DPP3: variants seen among roughly 807,000 people sequenced by gnomAD.
DPP3 encodes dipeptidyl peptidase 3, also known as DPP III.
Under a neutral mutation model 89.8 loss-of-function variants are expected in DPP3, and 64 were observed. The observed-to-expected ratio is 0.71, with a 90% CI of 0.58 to 0.88. The LOEUF is 0.88. DPP3 is among the 40% of genes least tolerant of loss of function. The probability of loss-of-function intolerance (pLI) is 0.00; values close to 1 mark genes in which losing one functional copy is unlikely to be tolerated. For missense variants in DPP3, 835 were observed against 972.5 expected (o/e 0.86, Z 1.88); for synonymous variants, 377 against 404.3 (o/e 0.93, Z 0.81).
At chr11:66,503,976 G>A (rs1855741333) in intron 16 of DPP3, among the ~76,000 whole-genome samples, 1 of 152,116 alleles carries the variant, frequency 6.6e-6, no homozygotes, top group Non-Finnish European at 1.5e-5. Flanking sequence ...TTCTGGTGAA[G>A]GCTGCTCTTC....
Position 66,509,309 on chromosome 11 carries a change from A to T in DPP3, c.*58A>T. The T allele has an allele frequency of 6.4e-7, 1 of 1,558,476 alleles. No individual in the cohort carries two copies. The highest frequency in any genetic ancestry group is 8.7e-7 in the Non-Finnish European group (1 of 1,150,514). On this transcript the variant is annotated 3_prime_UTR_variant, in exon 18 of 18. Coordinates refer to ENST00000531863, the MANE Select transcript of DPP3 (RefSeq NM_130443.4). ...AGACCAAGGCTGCAAGTGGCCCTCCATTCGTGTGTGTATTTAGGGGCTGGG... is the reference window on the plus strand; with the variant it reads ...AGACCAAGGCTGCAAGTGGCCCTCCTTTCGTGTGTGTATTTAGGGGCTGGG...
Position 66,497,415 on chromosome 11 carries a change from G to A in DPP3, c.1816G>A (p.Asp606Asn), listed in dbSNP as rs532334389. The A allele has an allele frequency of 5.6e-5, 90 of 1,613,952 alleles. No homozygotes were observed. Among genetic ancestry groups the A allele is most frequent in the Admixed American group, 1.2e-4 (7 of 60,030 alleles). ...GCGCCCAGATGCCCGGGTCCGCCTC[G>A]ACCGCAGCAAGATCCGGTCTGTGGG... Reference protein sequence around the residue: ...DGRPDARVRLDRSKIRSVGKP... With the variant: ...DGRPDARVRLNRSKIRSVGKP... The change falls in exon 16 of 18, where the codon GAC becomes AAC. Residue 606 changes from aspartate (D) to asparagine (N), a missense_variant. Asp to Asn is a conservative substitution (Grantham distance 23). Transcript: ENST00000531863.
At chr11:66,494,599 C>A (rs191283037) in intron 12 of DPP3, among the ~76,000 whole-genome samples, 1 of 152,314 alleles carries the variant, frequency 6.6e-6, no homozygotes, top group African/African-American at 2.4e-5. Context: ...ACAGTAAGCC[C>A]TGACAGCAAA....
At chr11:66,493,507 AG>A (rs1855452386) in intron 11 of DPP3, 33 bp from the exon 12 acceptor site, 5 of 1,606,680 alleles carry the variant, frequency 3.1e-6, no homozygotes, top group Non-Finnish European at 4.3e-6. Context: ...AGGGCTGGCC[AG>A]TGGACAGCGC....
In DPP3 at chr11:66,486,570, G is replaced by A. The variant is rs776363283; in HGVS notation, c.391G>A (p.Glu131Lys). The change falls in exon 4 of 18, where the codon GAG becomes AAG. Residue 131 changes from glutamate to lysine, a missense_variant. By Grantham distance (56) the Glu-to-Lys change is moderately conservative. Transcript: ENST00000531863. Reference protein sequence around the residue: ...EKLERVILGSEAAQQHPEEVR... With the variant: ...EKLERVILGSKAAQQHPEEVR... ...GCTGGAACGGGTGATCCTAGGGAGT[G>A]AGGCTGCTCAGCAGCACCCAGAAGA... is the stretch of plus-strand genomic sequence containing the variant. 3 of 1,566,436 alleles carry A rather than the reference G, an allele frequency of 1.9e-6. No individual in the cohort carries two copies. The highest frequency in any genetic ancestry group is 1.9e-5 in the Admixed American group (1 of 53,200).
At chr11:66,491,168 G>A (rs1180260333) in intron 6 of DPP3, 85 bp from the exon 7 acceptor site, 12 of 1,580,792 alleles carry the variant, frequency 7.6e-6, no homozygotes, top group African/African-American at 5.5e-5. Context: ...GGGAAAAGCC[G>A]GCTGAGGTGT....
At chr11:66,487,480 C>T in intron 5 of DPP3, 138 bp downstream of exon 5, 1 of 888,856 alleles carries the variant, frequency 1.1e-6, no homozygotes, top group Non-Finnish European at 1.8e-6. Flanking sequence ...CCTGCCCACC[C>T]CAGGCTATAG....
intron 16 of DPP3, among the ~76,000 whole-genome samples, chr11:66,502,271 A>C (rs1315061297): frequency 6.6e-6 from 1 of 151,996 alleles, no homozygotes; most frequent in African/African-American, 2.4e-5. Flanking sequence ...GAAGCAGCTG[A>C]ACTAACTCTG....
intron 16 of DPP3, 81 bp from the exon 17 acceptor site, chr11:66,504,531 C>T: frequency 2.7e-6 from 4 of 1,482,844 alleles, no homozygotes; most frequent in Admixed American, 4.3e-5. Flanking sequence ...GGGCTGACCA[C>T]AATCAGCTGT....
At chr11:66,489,107 C>T (rs776353874) in intron 6 of DPP3, among the ~76,000 whole-genome samples, 7 of 152,198 alleles carry the variant, frequency 4.6e-5, no homozygotes, top group African/African-American at 1.4e-4. Context: ...TCAGGTGATC[C>T]GCGTGCCTCT....
intron 16 of DPP3, among the ~76,000 whole-genome samples, chr11:66,500,166 C>T (rs1413367029): frequency 3.3e-5 from 5 of 152,052 alleles, no homozygotes; most frequent in South Asian, 4.1e-4. Flanking sequence ...CCAGCCTGGC[C>T]AACATGGTGA....
In DPP3 at chr11:66,495,392, A is replaced by G; in HGVS notation, c.1480A>G (p.Thr494Ala). The G allele has an allele frequency of 6.2e-7, 1 of 1,613,616 alleles. No homozygotes were observed. The highest frequency in any genetic ancestry group is 8.5e-7 in the Non-Finnish European group (1 of 1,179,778). ...QIQSWYRSGE[T>A]WDSKFSTIAS... Reference sequence around the variant, plus strand: ...TCAGAGCTGGTATCGGAGCGGGGAGACCTGGGATAGCAAGTTCAGCACCAT... The same window carrying G: ...TCAGAGCTGGTATCGGAGCGGGGAGGCCTGGGATAGCAAGTTCAGCACCAT... The change falls in exon 14 of 18, where the codon ACC (threonine) becomes GCC (alanine). Residue 494 changes from threonine (T) to alanine (A), a missense_variant. Coordinates refer to ENST00000531863, the MANE Select transcript of DPP3 (RefSeq NM_130443.4).
At chr11:66,484,948 G>C (rs1190051824) in intron 2 of DPP3, among the ~76,000 whole-genome samples, 1 of 152,154 alleles carries the variant, frequency 6.6e-6, no homozygotes, top group Non-Finnish European at 1.5e-5. Context: ...GGTGTGTTTG[G>C]GAACTGCCCA....
intron 2 of DPP3, among the ~76,000 whole-genome samples, 187 bp downstream of exon 2, chr11:66,482,657 T>C (rs1402623157): frequency 6.6e-6 from 1 of 152,236 alleles, no homozygotes; most frequent in Non-Finnish European, 1.5e-5. Flanking sequence ...TGTCTGTACC[T>C]CTTAGTGTTG....
chr11:66,501,825 C>CAAAAAAAAAAAAAAAAAAAA (rs35196491), intron 16 of DPP3, among the ~76,000 whole-genome samples: 5 of 84,436 alleles, frequency 5.9e-5, no homozygotes, highest in African/African-American at 2.4e-4. Flanking sequence ...ACTTTGTCTC[C>CAAAAAAAAAAAAAAAAAAAA]AAAAAAAAAA....
chr11:66,495,440 C>T lies in DPP3; in HGVS notation c.1528C>T (p.Arg510Trp), dbSNP rs766673185. The change falls in exon 14 of 18, where the codon CGG (arginine) becomes TGG (tryptophan). Residue 510 changes from arginine to tryptophan, a missense_variant. Physicochemically the swap from Arg to Trp is moderately radical, Grantham distance 101. Transcript: ENST00000531863. ...CATCGCCTCCAGCTACGAAGAGTGC[C>T]GGGCTGAGAGCGTGGGTCTCTACCT... Reference protein sequence around the residue: ...STIASSYEECRAESVGLYLCL... With the variant: ...STIASSYEECWAESVGLYLCL... 3 of 1,612,202 alleles carry T rather than the reference C, an allele frequency of 1.9e-6. No homozygotes were observed. The highest frequency in any genetic ancestry group is 1.1e-5 in the South Asian group (1 of 90,866).
rs199544142 is a variant in DPP3 at position 66,509,283 on chromosome 11, C to G, written c.*32C>G. 8 of 1,579,544 alleles carry G rather than the reference C, an allele frequency of 5.1e-6. No homozygotes were observed. Among genetic ancestry groups the G allele is most frequent in the Non-Finnish European group, 6.9e-6 (8 of 1,161,696 alleles). The stretch of plus-strand genomic sequence containing the variant: ...TGTGTGGCCTTGCCCCCAATTCCAT[C>G]AGACCAAGGCTGCAAGTGGCCCTCC... On this transcript the variant is annotated 3_prime_UTR_variant, in exon 18 of 18. Coordinates refer to ENST00000531863, the MANE Select transcript of DPP3 (RefSeq NM_130443.4).
intron 15 of DPP3, among the ~76,000 whole-genome samples, chr11:66,497,079 C>T (rs1855558157): frequency 6.6e-6 from 1 of 152,184 alleles, no homozygotes; most frequent in Admixed American, 6.5e-5. Context: ...CTAGGGCAGC[C>T]TGCCCTCTCT....
Position 66,495,353 on chromosome 11 carries a change from C to G in DPP3, c.1453-12C>G. 6.2e-7 allele frequency: 1 copy of G among 1,613,854 alleles called. No homozygotes were observed. The highest frequency in any genetic ancestry group is 1.3e-5 in the African/African-American group (1 of 75,072). On this transcript the variant is annotated splice_polypyrimidine_tract_variant and intron_variant, in intron 13 of 17. Coordinates refer to ENST00000531863, the MANE Select transcript of DPP3 (RefSeq NM_130443.4). Reference sequence around the variant, plus strand: ...GGCCACCTTAAGCCCGACAGTGGAGCTCCTTTTCCAGATTCAGAGCTGGTA... The same window carrying G: ...GGCCACCTTAAGCCCGACAGTGGAGGTCCTTTTCCAGATTCAGAGCTGGTA...
Sources: gnomAD v4.1 joint callset for allele counts (sites outside exome capture counted in the v4.1 genomes callset) on GRCh38, gnomAD v4.1.1 for gene constraint, MANE v1.5 for transcripts, NCBI Gene and HGNC (gene_info 2026-07-23, HGNC 2026-07-21) for gene names.